Variants in B3GALT1 observed in about 807,000 individuals in gnomAD.
B3GALT1 encodes beta-1,3-galactosyltransferase 1.
Under a neutral mutation model 23.2 loss-of-function variants are expected in B3GALT1, and 10 were observed. The observed-to-expected ratio is 0.43, with a 90% CI of 0.27 to 0.73. The LOEUF is 0.73. B3GALT1 is among the 30% of genes least tolerant of loss of function. The pLI, the probability that B3GALT1 is intolerant of heterozygous loss-of-function variation, is 0.21. For synonymous variants in B3GALT1, 156 were observed against 141.5 expected (o/e 1.10, Z -0.73); for missense variants, 299 against 405.4 (o/e 0.74, Z 2.25).
intron 1 of B3GALT1, among the ~76,000 whole-genome samples, chr2:167,410,858 T>G (rs981419535): frequency 6.6e-6 from 1 of 152,172 alleles, no homozygotes. Flanking sequence ...GTGGTTCTTA[T>G]ACAGGTCATT....
chr2:167,380,886 CTCTGGGA>C (rs1697839034), intron 1 of B3GALT1, among the ~76,000 whole-genome samples: 1 of 152,124 alleles, frequency 6.6e-6, no homozygotes, highest in African/African-American at 2.4e-5. Context: ...GCATTCTCGC[CTCTGGGA>C]TCTGGGGTGT....
At chr2:167,806,511 A>C (rs1441621592) in intron 3 of B3GALT1, among the ~76,000 whole-genome samples, 2 of 152,174 alleles carry the variant, frequency 1.3e-5, no homozygotes, top group African/African-American at 4.8e-5. Flanking sequence ...TAACTTATTG[A>C]GAGTTTTTAG....
chr2:167,794,289 ATGTT>A (rs933991547), intron 3 of B3GALT1, among the ~76,000 whole-genome samples: 1 of 152,228 alleles, frequency 6.6e-6, no homozygotes, highest in African/African-American at 2.4e-5. Flanking sequence ...TAATGAATGT[ATGTT>A]TTATTCAAAT....
chr2:167,343,715 A>G (rs1298808631), intron 1 of B3GALT1, among the ~76,000 whole-genome samples: 1 of 152,144 alleles, frequency 6.6e-6, no homozygotes, highest in Admixed American at 6.6e-5. Context: ...ATTAGTAAAT[A>G]TAGGAGGAAG....
intron 2 of B3GALT1, among the ~76,000 whole-genome samples, chr2:167,505,622 G>A (rs1699907021): frequency 6.6e-6 from 1 of 152,080 alleles, no homozygotes; most frequent in Non-Finnish European, 1.5e-5. Flanking sequence ...TGGAGTTTGA[G>A]CACATACTCA....
chr2:167,581,445 C>T (rs1684481631), intron 2 of B3GALT1, among the ~76,000 whole-genome samples: 1 of 152,156 alleles, frequency 6.6e-6, no homozygotes, highest in Non-Finnish European at 1.5e-5. Flanking sequence ...CTTATACTTC[C>T]TCTGAACTTT....
At chr2:167,381,061 G>A (rs759551779) in intron 1 of B3GALT1, among the ~76,000 whole-genome samples, 4 of 151,912 alleles carry the variant, frequency 2.6e-5, no homozygotes, top group Non-Finnish European at 5.9e-5. Flanking sequence ...AACACTTCTG[G>A]GTTTTTTTTA....
intron 1 of B3GALT1, among the ~76,000 whole-genome samples, chr2:167,479,374 A>G (rs1699531127): frequency 6.6e-6 from 1 of 152,228 alleles, no homozygotes; most frequent in Non-Finnish European, 1.5e-5. Context: ...CAAGCATTGC[A>G]TTAAATGCTA....
At chr2:167,717,381 C>T (rs1574228658) in intron 3 of B3GALT1, among the ~76,000 whole-genome samples, 1 of 151,760 alleles carries the variant, frequency 6.6e-6, no homozygotes, top group African/African-American at 2.4e-5. Flanking sequence ...TGTTGGTGTG[C>T]GGCACCCATT....
At chr2:167,604,886 T>C (rs1485832661) in intron 2 of B3GALT1, among the ~76,000 whole-genome samples, 4 of 152,230 alleles carry the variant, frequency 2.6e-5, no homozygotes, top group Non-Finnish European at 5.9e-5. Flanking sequence ...CTTTCAGGGC[T>C]ACACCCTTTA....
Position 167,632,184 on chromosome 2 carries a change from T to C in B3GALT1, c.-409-14725T>C, listed in dbSNP as rs928136585. Among the ~76,000 whole-genome samples the C allele has an allele frequency of 2.6e-5, 4 of 151,868 alleles. No homozygotes were observed. The East Asian group carries it at 7.7e-4, about 29-fold the overall frequency. On this transcript the variant is annotated intron_variant, in intron 2 of 4. Coordinates refer to ENST00000392690, the MANE Select transcript of B3GALT1 (RefSeq NM_020981.4). ...ATATATGTGCCACATTTTCTTTATC[T>C]AGTCTATCATTGATGGGCATTTGGG...
chr2:167,296,544 G>A (rs1171883270), intron 1 of B3GALT1, among the ~76,000 whole-genome samples: 1 of 152,102 alleles, frequency 6.6e-6, no homozygotes, highest in Non-Finnish European at 1.5e-5. Flanking sequence ...TTCTCAGAAG[G>A]AATTTCGCCA....
At chr2:167,612,135 A>G (rs1007029016) in intron 2 of B3GALT1, among the ~76,000 whole-genome samples, 1 of 151,976 alleles carries the variant, frequency 6.6e-6, no homozygotes, top group Non-Finnish European at 1.5e-5. Flanking sequence ...AATCTAAAGC[A>G]GCATGCAAAT....
At chr2:167,706,399 T>C (rs983020347) in intron 3 of B3GALT1, among the ~76,000 whole-genome samples, 1 of 152,228 alleles carries the variant, frequency 6.6e-6, no homozygotes, top group Non-Finnish European at 1.5e-5. Flanking sequence ...CAATTAGGTC[T>C]GGACTCGCTA....
At chr2:167,398,750 C>T (rs1462240292) in intron 1 of B3GALT1, among the ~76,000 whole-genome samples, 2 of 152,132 alleles carry the variant, frequency 1.3e-5, no homozygotes, top group African/African-American at 4.8e-5. Flanking sequence ...TAATTTATCC[C>T]TCCCTTAAGC....
chr2:167,642,354 A>G (rs1352807352), intron 2 of B3GALT1, among the ~76,000 whole-genome samples: 2 of 152,228 alleles, frequency 1.3e-5, no homozygotes, highest in African/African-American at 4.8e-5. Flanking sequence ...CAGCCAGTAT[A>G]AAAAGTAAAA....
intron 3 of B3GALT1, among the ~76,000 whole-genome samples, chr2:167,799,304 T>G (rs10208688): frequency 0.2 from 31,161 of 152,016 alleles, 3,720 homozygotes; most frequent in African/African-American, 0.31. Flanking sequence ...CAGTGTACAT[T>G]GTACCCAATA....
chr2:167,461,663 A>G (rs11884685), intron 1 of B3GALT1, among the ~76,000 whole-genome samples: 3,790 of 152,284 alleles, frequency 0.025, 153 homozygotes, highest in African/African-American at 0.087. Context: ...GTTTAGTCAA[A>G]TGAAGTTGTA....
intron 3 of B3GALT1, among the ~76,000 whole-genome samples, chr2:167,806,689 T>C (rs1236935016): frequency 1.3e-5 from 2 of 152,080 alleles, no homozygotes; most frequent in African/African-American, 2.4e-5. Flanking sequence ...GTGGATAAGC[T>C]TTTTGATGTG....
Sources: gnomAD v4.1 joint callset for allele counts (sites outside exome capture counted in the v4.1 genomes callset) on GRCh38, gnomAD v4.1.1 for gene constraint, MANE v1.5 for transcripts, NCBI Gene and HGNC (gene_info 2026-07-23, HGNC 2026-07-21) for gene names.